The following TNKS variants were observed in gnomAD, a reference collection of about 807,000 sequenced individuals.
TNKS encodes the protein tankyrase, also known as poly [ADP-ribose] polymerase tankyrase-1.
TNKS carries 72 observed loss-of-function variants against 135.8 expected under a neutral mutation model. That is an observed-to-expected ratio of 0.53 (90% CI 0.44 to 0.64). The LOEUF (loss-of-function observed/expected upper bound fraction) is 0.64. Among genes scored for constraint, TNKS ranks in the 30% least tolerant of loss-of-function variants. The probability of loss-of-function intolerance (pLI) is 0.00; values close to 1 mark genes in which losing one functional copy is unlikely to be tolerated. For missense variants in TNKS, 1,769 were observed against 1,674.0 expected (o/e 1.06, Z -0.99); for synonymous variants, 849 against 649.3 (o/e 1.31, Z -4.68).
At chr8:9,603,958 T>C (rs1799120246) in intron 2 of TNKS, among the ~76,000 whole-genome samples, 9 of 151,762 alleles carry the variant, frequency 5.9e-5, no homozygotes, top group Admixed American at 5.9e-4. Context: ...AACTCTTCTG[T>C]TAAAAAAACA....
intron 3 of TNKS, among the ~76,000 whole-genome samples, chr8:9,654,387 C>G (rs574338634): frequency 9.9e-5 from 15 of 151,802 alleles, no homozygotes; most frequent in Non-Finnish European, 2.2e-4. Context: ...AAAAAACATG[C>G]TTTTACAAAA....
chr8:9,568,046 G>A (rs932576829), intron 1 of TNKS, among the ~76,000 whole-genome samples: 1 of 152,270 alleles, frequency 6.6e-6, no homozygotes, highest in East Asian at 1.9e-4. Flanking sequence ...ATATTTAATA[G>A]ACTGAATCTC....
At chr8:9,742,306 T>C (rs1227577424) in intron 17 of TNKS, among the ~76,000 whole-genome samples, 2 of 151,974 alleles carry the variant, frequency 1.3e-5, no homozygotes, top group African/African-American at 4.8e-5. Flanking sequence ...TTTCTAGACC[T>C]TTTTTTAATT....
intron 2 of TNKS, among the ~76,000 whole-genome samples, chr8:9,590,493 G>A (rs539697700): frequency 1.3e-5 from 2 of 152,194 alleles, no homozygotes; most frequent in South Asian, 4.2e-4. Context: ...TTACTTGTTT[G>A]TTTGCCATCT....
chr8:9,652,695 T>A (rs1282366685), intron 3 of TNKS, among the ~76,000 whole-genome samples: 1 of 152,172 alleles, frequency 6.6e-6, no homozygotes, highest in Non-Finnish European at 1.5e-5. Context: ...TAAGAAACAA[T>A]TGTTAGTAAA....
chr8:9,608,923 A>G (rs745741389), intron 2 of TNKS, among the ~76,000 whole-genome samples: 14 of 152,084 alleles, frequency 9.2e-5, no homozygotes, highest in African/African-American at 3.4e-4. Flanking sequence ...ATTTTCTCCA[A>G]TTTCATAATC....
rs942991936 is a variant in TNKS, at chr8:9,671,163, C to T, written c.995-8788C>T. On this transcript the variant is annotated intron_variant, in intron 3 of 26. Coordinates refer to ENST00000310430, the MANE Select transcript of TNKS (RefSeq NM_003747.3). The stretch of plus-strand genomic sequence containing the variant: ...TTCTATAGGTGACATGAGAATTTTT[C>T]AGATTTCAAAAAAGACATGGTTTGG... 2.6e-5 allele frequency: 4 copies of T among 151,800 alleles called. No individual in the cohort carries two copies. In the East Asian group the frequency reaches 5.8e-4, roughly 22 times the overall value. 9.4% of individuals were successfully genotyped at this position (151,800 alleles called of 1,614,324 possible). A position where few individuals can be genotyped will look rare whatever the true frequency, so the allele number is the denominator to read the frequency against.
At chr8:9,728,097 T>C (rs1225952539) in intron 13 of TNKS, among the ~76,000 whole-genome samples, 2 of 152,202 alleles carry the variant, frequency 1.3e-5, no homozygotes, top group Non-Finnish European at 2.9e-5. Context: ...TTAAATTCCA[T>C]GTGTTTTGTA....
At chr8:9,720,646 C>G (rs1804829178) in intron 12 of TNKS, 101 bp downstream of exon 12, 2 of 1,333,638 alleles carry the variant, frequency 1.5e-6, no homozygotes, top group Non-Finnish European at 2.0e-6. Flanking sequence ...TGAAGTTTTT[C>G]TCATGTCTTT....
intron 1 of TNKS, 69 bp from the exon 2 acceptor site, chr8:9,580,090 A>G (rs1274778421): frequency 3.0e-6 from 4 of 1,322,970 alleles, no homozygotes; most frequent in African/African-American, 1.5e-5. Flanking sequence ...TGATATTGTT[A>G]CAGATATTCT....
chr8:9,617,805 T>TA (rs547728622), intron 3 of TNKS, among the ~76,000 whole-genome samples: 1 of 152,188 alleles, frequency 6.6e-6, no homozygotes, highest in Non-Finnish European at 1.5e-5. Context: ...TACCCTTACT[T>TA]ACCTTGAGAG....
intron 17 of TNKS, 150 bp from the exon 18 acceptor site, chr8:9,747,874 T>C: frequency 2.7e-6 from 2 of 752,006 alleles, no homozygotes; most frequent in East Asian, 5.8e-5. Flanking sequence ...AGTAGAAGAC[T>C]GAAATACTCT....
At chr8:9,593,134 A>G (rs1446391780) in intron 2 of TNKS, among the ~76,000 whole-genome samples, 1 of 152,186 alleles carries the variant, frequency 6.6e-6, no homozygotes, top group African/African-American at 2.4e-5. Context: ...ATAAGAAAAA[A>G]TAAGGTGATG....
Position 9,556,198 on chromosome 8 carries a change from A to T in TNKS, c.259A>T (p.Thr87Ser), listed in dbSNP as rs946305683. 3 of 1,613,922 alleles carry T rather than the reference A, an allele frequency of 1.9e-6. No homozygotes were observed. The African/African-American group carries it at 4.0e-5, about 22-fold the overall frequency. Residue 87 changes from threonine to serine, a missense_variant, in exon 1 of 27, where the codon ACC (threonine) becomes TCC (serine). Thr to Ser is a moderately conservative substitution (Grantham distance 58). Around this residue, in one of 5 missense-constraint regions of TNKS, gnomAD observed 450 missense variants for 304.9 expected, o/e 1.48. Coordinates refer to ENST00000310430, the MANE Select transcript of TNKS (RefSeq NM_003747.3). ...RPRSPDPVDG[T>S]SCCSTTSTIC... The stretch of plus-strand genomic sequence containing the variant: ...CCGATCCCCGGACCCGGTTGACGGT[A>T]CCAGCTGTTGCAGTACCACCAGCAC...
chr8:9,599,761 C>G (rs1563106797), intron 2 of TNKS, among the ~76,000 whole-genome samples: 1 of 145,796 alleles, frequency 6.9e-6, no homozygotes. Context: ...TAATCTATAC[C>G]TAAGTTACTG....
intron 2 of TNKS, among the ~76,000 whole-genome samples, chr8:9,587,116 A>ACC (rs1244740989): frequency 6.6e-6 from 1 of 152,136 alleles, no homozygotes; most frequent in Non-Finnish European, 1.5e-5. Context: ...TACAGATGGA[A>ACC]TTTTGGTTGC....
chr8:9,639,517 G>C (rs922035934), intron 3 of TNKS, among the ~76,000 whole-genome samples: 12 of 143,810 alleles, frequency 8.3e-5, no homozygotes, highest in African/African-American at 3.1e-4. Context: ...GTTTATCTAA[G>C]CCTTTTTTTT....
intron 26 of TNKS, among the ~76,000 whole-genome samples, chr8:9,774,417 G>A (rs1430505667): frequency 6.6e-6 from 1 of 152,128 alleles, no homozygotes; most frequent in Admixed American, 6.5e-5. Flanking sequence ...TAGTGTTAGG[G>A]ATTTGGATTA....
chr8:9,655,753 C>G (rs1301018059), intron 3 of TNKS, among the ~76,000 whole-genome samples: 1 of 152,092 alleles, frequency 6.6e-6, no homozygotes, highest in Non-Finnish European at 1.5e-5. Flanking sequence ...ACGTCACCAT[C>G]ATCAAAGACC....
Sources: gnomAD v4.1 joint callset for allele counts (sites outside exome capture counted in the v4.1 genomes callset) on GRCh38, gnomAD v4.1.1 for gene constraint, gnomAD v4.1.1 regional missense constraint, MANE v1.5 for transcripts, NCBI Gene and HGNC (gene_info 2026-07-23, HGNC 2026-07-21) for gene names.